LRRC7: variants seen among roughly 807,000 people sequenced by gnomAD.
The protein encoded by LRRC7 is leucine rich repeat containing 7, also known as leucine-rich repeat-containing protein 7.
A neutral mutation model predicts 175.7 loss-of-function variants in LRRC7; 23 were observed. The observed-to-expected ratio is 0.13, with a 90% CI of 0.09 to 0.19. LRRC7 has a LOEUF of 0.19. Among genes scored for constraint, LRRC7 ranks in the 10% least tolerant of loss-of-function variants. The probability of loss-of-function intolerance (pLI) is 1.00; values close to 1 mark genes in which losing one functional copy is unlikely to be tolerated. For missense variants in LRRC7, 1,354 were observed against 1,904.7 expected (o/e 0.71, Z 5.38); for synonymous variants, 685 against 680.9 (o/e 1.01, Z -0.09).
chr1:69,794,924 T>C (rs1311311254), intron 4 of LRRC7, among the ~76,000 whole-genome samples: 1 of 152,194 alleles, frequency 6.6e-6, no homozygotes, highest in Admixed American at 6.5e-5. Flanking sequence ...ATTCTGTATT[T>C]TCTGGAAATA....
rs1344026583 is a variant in LRRC7 at position 70,131,168 on chromosome 1, T to A, written c.*9281T>A. Among the ~76,000 whole-genome samples the A allele has an allele frequency of 6.6e-6, 1 of 152,198 alleles. No homozygotes were observed. The highest frequency in any genetic ancestry group is 1.5e-5 in the Non-Finnish European group (1 of 68,020). On this transcript the variant is annotated 3_prime_UTR_variant, in exon 27 of 27. Transcript: ENST00000651989. ...AACCATGTTACCCCTCCCAAACTTTTATAGAGATAGAATCTGGCCTGTTGA... is the reference window on the plus strand; with the variant it reads ...AACCATGTTACCCCTCCCAAACTTTAATAGAGATAGAATCTGGCCTGTTGA...
At chr1:70,112,951 A>C (rs1268334451) in intron 26 of LRRC7, among the ~76,000 whole-genome samples, 1 of 152,124 alleles carries the variant, frequency 6.6e-6, no homozygotes, top group African/African-American at 2.4e-5. Context: ...TAGAGTCATG[A>C]AGAAAGGAAA....
rs1666578468 is a variant in LRRC7, at chr1:70,129,435, GA to G, written c.*7551del. 6.6e-6 allele frequency among the ~76,000 whole-genome samples: 1 copy of G among 152,132 alleles called. No homozygotes were observed. Among genetic ancestry groups the G allele is most frequent in the African/African-American group, 2.4e-5 (1 of 41,430 alleles). On this transcript the variant is annotated 3_prime_UTR_variant, in exon 27 of 27. Coordinates refer to ENST00000651989, the MANE Select transcript of LRRC7 (RefSeq NM_001370785.2). ...TGCCAATTTGTTCTAAAGAGGAAAG[GA>G]AATGAAGAAAGGTGTTCCTCAACTT...
chr1:70,117,242 T>A (rs1420744098), intron 26 of LRRC7, among the ~76,000 whole-genome samples: 2 of 152,210 alleles, frequency 1.3e-5, no homozygotes, highest in African/African-American at 4.8e-5. Flanking sequence ...CTCTGAGCTA[T>A]TTTTAAGCTT....
intron 2 of LRRC7, among the ~76,000 whole-genome samples, chr1:69,756,618 A>G (rs1557688050): frequency 1.3e-5 from 2 of 151,924 alleles, no homozygotes; most frequent in East Asian, 3.9e-4. Flanking sequence ...TTATTTATAA[A>G]GAAAAGGTAT....
chr1:69,916,551 G>A (rs146567927), intron 7 of LRRC7, among the ~76,000 whole-genome samples: 1 of 151,628 alleles, frequency 6.6e-6, no homozygotes, highest in African/African-American at 2.4e-5. Flanking sequence ...ATTAAAATAG[G>A]CCTGTCAGGA....
chr1:69,770,950 C>A (rs185200934), intron 3 of LRRC7, among the ~76,000 whole-genome samples: 1 of 152,278 alleles, frequency 6.6e-6, no homozygotes, highest in East Asian at 1.9e-4. Flanking sequence ...ATCCACTCTT[C>A]GATTAATGTT....
At chr1:69,966,160 C>G (rs1651646838) in intron 8 of LRRC7, among the ~76,000 whole-genome samples, 2 of 152,030 alleles carry the variant, frequency 1.3e-5, no homozygotes, top group Non-Finnish European at 2.9e-5. Context: ...ATAATTATGT[C>G]ACTTTGGTTA....
intron 2 of LRRC7, among the ~76,000 whole-genome samples, chr1:69,700,502 C>T (rs1211220757): frequency 6.6e-6 from 1 of 152,148 alleles, no homozygotes; most frequent in Admixed American, 6.5e-5. Context: ...CTAGCAGAAT[C>T]CCACATTAAC....
In LRRC7 at chr1:70,016,663, G is replaced by C. The variant is rs901253487; in HGVS notation, c.1320+129G>C. 16 of 671,564 alleles carry C rather than the reference G, an allele frequency of 2.4e-5. No homozygotes were observed. In the African/African-American group the frequency reaches 2.8e-4, roughly 12 times the overall value. The allele number at this position is 671,564 out of a possible 1,614,324, so 41.6% of individuals were successfully genotyped here. ...TGTAGATTGTTTTTATCCCCAGAAA[G>C]AGAGAATTTTGTAAAGATAGCAATT... On this transcript the variant is annotated intron_variant, in intron 14 of 26. Transcript: ENST00000651989.
intron 17 of LRRC7, among the ~76,000 whole-genome samples, chr1:70,025,616 A>G (rs893795786): frequency 6.6e-6 from 1 of 152,140 alleles, no homozygotes; most frequent in African/African-American, 2.4e-5. Context: ...TCAAATTTGT[A>G]GGAAATATAT....
At chr1:69,907,098 G>C (rs1250793213) in intron 7 of LRRC7, among the ~76,000 whole-genome samples, 1 of 152,054 alleles carries the variant, frequency 6.6e-6, no homozygotes, top group South Asian at 2.1e-4. Flanking sequence ...TGTGATTTTT[G>C]TACATTGATT....
intron 11 of LRRC7, among the ~76,000 whole-genome samples, chr1:69,999,032 T>A (rs1158340169): frequency 1.3e-5 from 2 of 152,176 alleles, no homozygotes; most frequent in Non-Finnish European, 1.5e-5. Context: ...CTCTGTCTCC[T>A]CCCCAGCAGC....
intron 2 of LRRC7, among the ~76,000 whole-genome samples, chr1:69,690,906 T>C (rs902432355): frequency 6.6e-6 from 1 of 152,200 alleles, no homozygotes; most frequent in East Asian, 1.9e-4. Flanking sequence ...ACCCATTCTT[T>C]GGTGACTCAG....
At chr1:69,813,636 C>A (rs377366712) in intron 4 of LRRC7, among the ~76,000 whole-genome samples, 1 of 152,098 alleles carries the variant, frequency 6.6e-6, no homozygotes, top group Non-Finnish European at 1.5e-5. Context: ...AAACATAATG[C>A]TTCCCATATA....
At chr1:69,812,165 G>T (rs1453174687) in intron 4 of LRRC7, among the ~76,000 whole-genome samples, 1 of 152,082 alleles carries the variant, frequency 6.6e-6, no homozygotes, top group African/African-American at 2.4e-5. Flanking sequence ...GAAAGTTAAG[G>T]TTGTTTGTAT....
intron 7 of LRRC7, among the ~76,000 whole-genome samples, chr1:69,905,570 G>C (rs932176523): frequency 6.6e-5 from 10 of 152,168 alleles, no homozygotes; most frequent in African/African-American, 1.9e-4. Context: ...ATCCATGTCT[G>C]TACAAAGGAC....
intron 7 of LRRC7, among the ~76,000 whole-genome samples, chr1:69,839,406 A>G (rs1325495939): frequency 6.6e-6 from 1 of 152,148 alleles, no homozygotes; most frequent in African/African-American, 2.4e-5. Context: ...ACCATCCTGC[A>G]CTTTTGAATT....
At position 69,924,303 on chromosome 1, in the gene LRRC7, T is replaced by A. The variant is rs1469886330; in HGVS notation, c.648-7204T>A. Among the ~76,000 whole-genome samples the A allele has an allele frequency of 2.6e-5, 4 of 152,086 alleles. No individual in the cohort carries two copies. In the East Asian group the frequency reaches 7.7e-4, roughly 29 times the overall value. On this transcript the variant is annotated intron_variant, in intron 7 of 26. Transcript: ENST00000651989. ...CGATGCGGGCTCTTTTTTGGTTCCA[T>A]ATGAACTTTAAAGTAGTTTTTTCCA...
Sources: gnomAD v4.1 joint callset for allele counts (sites outside exome capture counted in the v4.1 genomes callset) on GRCh38, gnomAD v4.1.1 for gene constraint, MANE v1.5 for transcripts, NCBI Gene and HGNC (gene_info 2026-07-23, HGNC 2026-07-21) for gene names.